The following SHANK1 variants were observed in gnomAD, a reference collection of about 807,000 sequenced individuals.
SHANK1 encodes SH3 and multiple ankyrin repeat domains 1.
A neutral mutation model predicts 165.6 loss-of-function variants in SHANK1; 35 were observed. The observed-to-expected ratio is 0.21, with a 90% CI of 0.16 to 0.28. The LOEUF (loss-of-function observed/expected upper bound fraction) is 0.28, where lower values mean the gene tolerates loss of function less well. SHANK1 is among the 10% of genes least tolerant of loss of function. SHANK1 has a pLI of 1.00. For missense variants in SHANK1, 2,681 were observed against 3,036.4 expected, an observed-to-expected ratio of 0.88 and a Z score of 2.75; for synonymous variants, 1,428 against 1,384.8, an observed-to-expected ratio of 1.03 and a Z score of -0.69.
Position 50,686,623 on chromosome 19 carries a change from G to T in SHANK1, c.2458+121C>A. ...GGGCGGGCGGAGGGAGGGGAGGTGG[G>T]ATCGCAGCCTCTCTGGGGCAGGAAG... is the stretch of plus-strand genomic sequence containing the variant. On this transcript the variant is annotated intron_variant, in intron 20 of 23. Coordinates refer to ENST00000293441, the MANE Select transcript of SHANK1 (RefSeq NM_016148.5). This position sits in a 1 kb window ranked among gnomAD's most constrained non-coding sequence, Gnocchi z 5.7. 1.1e-6 allele frequency: 1 copy of T among 929,740 alleles called. No individual in the cohort carries two copies. Among genetic ancestry groups the T allele is most frequent in the Non-Finnish European group, 1.6e-6 (1 of 610,734 alleles). The allele number at this position is 929,740 out of a possible 1,614,324, so 57.6% of individuals were successfully genotyped here.
At chr19:50,676,699 T>G (rs1182861507) in intron 21 of SHANK1, among the ~76,000 whole-genome samples, 1 of 152,170 alleles carries the variant, frequency 6.6e-6, no homozygotes, top group African/African-American at 2.4e-5. Context: ...ACTGTCTGTC[T>G]CCCTAGGCAT....
intron 21 of SHANK1, among the ~76,000 whole-genome samples, chr19:50,679,601 G>A (rs561202479): frequency 8.2e-4 from 125 of 152,282 alleles, no homozygotes; most frequent in African/African-American, 2.6e-3. Context: ...CCTTCAGTCC[G>A]CCGCCCAAAG....
At chr19:50,710,337 G>A (rs2088993173) in intron 8 of SHANK1, among the ~76,000 whole-genome samples, 1 of 152,222 alleles carries the variant, frequency 6.6e-6, no homozygotes, top group Admixed American at 6.5e-5. Flanking sequence ...TTCTGCCGAG[G>A]CAGAGGGGGC....
chr19:50,688,716 TG>T lies in SHANK1; in HGVS notation c.2172+127del. The stretch of plus-strand genomic sequence containing the variant: ...GGGAAAGCAGAGGCTGGCTGGGGGG[TG>T]GGCAGGGGGCTGGGAATCCTGGTGC... On this transcript the variant is annotated intron_variant, in intron 17 of 23. Transcript: ENST00000293441. The surrounding 1 kb of genome is among the most constrained non-coding windows in gnomAD (Gnocchi z 6.7). 6.2e-6 allele frequency: 5 copies of T among 811,798 alleles called. No individual in the cohort carries two copies. The highest frequency in any genetic ancestry group is 9.6e-6 in the Non-Finnish European group (5 of 521,396). The allele number at this position is 811,798 out of a possible 1,614,324, so 50.3% of individuals were successfully genotyped here.
Position 50,668,153 on chromosome 19 carries a change from G to A in SHANK1, c.3807C>T (p.Asp1269=). The A allele has an allele frequency of 1.1e-5, 16 of 1,458,524 alleles. No homozygotes were observed. Among genetic ancestry groups the A allele is most frequent in the Non-Finnish European group, 1.4e-5 (16 of 1,113,490 alleles). 90.3% of individuals were successfully genotyped at this position (1,458,524 alleles called of 1,614,324 possible). A position where few individuals can be genotyped will look rare whatever the true frequency, so the allele number is the denominator to read the frequency against. Residue 1269 remains aspartate (D), a synonymous_variant, in exon 23 of 24, where the codon GAC becomes GAT. Coordinates refer to ENST00000293441, the MANE Select transcript of SHANK1 (RefSeq NM_016148.5). ...STDAGDEDGG[D]GGLGTGAAPG... ...GGGCCGCCCCTGTGCCCAGCCCGCCGTCCCCGCCGTCCTCGTCCCCCGCGT... is the reference window on the plus strand; with the variant it reads ...GGGCCGCCCCTGTGCCCAGCCCGCCATCCCCGCCGTCCTCGTCCCCCGCGT...
chr19:50,668,119 G>C lies in SHANK1; in HGVS notation c.3841C>G (p.Arg1281Gly). 1 of 1,475,936 alleles carries C rather than the reference G, an allele frequency of 6.8e-7. No individual in the cohort carries two copies. The highest frequency in any genetic ancestry group is 8.9e-7 in the Non-Finnish European group (1 of 1,119,266). 91.4% of individuals were successfully genotyped at this position (1,475,936 alleles called of 1,614,324 possible). The change falls in exon 23 of 24, where the codon CGG becomes GGG. Residue 1281 changes from arginine to glycine, a missense_variant. Arg to Gly is a moderately radical substitution (Grantham distance 125). Around this residue, in one of 10 missense-constraint regions of SHANK1, gnomAD observed 1,713 missense variants for 1,630.2 expected, o/e 1.05. Transcript: ENST00000293441. ...GLGTGAAPGP[R>G]LRHSKSIDEG... is the part of the protein sequence containing the mutation. ...TCGATGGATTTGGAGTGGCGCAGCC[G>C]CGGGCCCGGGGCCGCCCCTGTGCCC...
rs1487752804 is a variant in SHANK1, at chr19:50,666,411, G to A, written c.5549C>T (p.Pro1850Leu). The change falls in exon 23 of 24, where the codon CCT becomes CTT. Residue 1850 changes from proline to leucine, a missense_variant. Physicochemically the swap from Pro to Leu is moderately conservative, Grantham distance 98. Transcript: ENST00000293441. ...WEEGPGPPPP[P>L]LPGPLAQPQA... ...AGGCTGGGCCAAGGGCCCGGGCAGA[G>A]GTGGTGGCGGTGGGCCCGGGCCCTC... 4 of 1,611,972 alleles carry A rather than the reference G, an allele frequency of 2.5e-6. No individual in the cohort carries two copies. In the African/African-American group the frequency reaches 4.0e-5, roughly 16 times the overall value.
rs1326660347 is a variant in SHANK1, at chr19:50,716,010, T to C, written c.459+265A>G. Among the ~76,000 whole-genome samples, 4 of 152,094 alleles carry C rather than the reference T, an allele frequency of 2.6e-5. No individual in the cohort carries two copies. Among genetic ancestry groups the C allele is most frequent in the African/African-American group, 9.7e-5 (4 of 41,400 alleles). On this transcript the variant is annotated intron_variant, in intron 3 of 23. Transcript: ENST00000293441. This position sits in a 1 kb window ranked among gnomAD's most constrained non-coding sequence, Gnocchi z 8.4. ...GAATGTTCTAGAGTGCCTACTGTAA[T>C]TGGGAATCCTCCCCCAATTTGATGG...
Position 50,661,865 on chromosome 19 carries a change from G to T in SHANK1, c.*100C>A. The stretch of plus-strand genomic sequence containing the variant: ...GAGGGCAGGGCGCAGTTTGAACAGA[G>T]TCCCTGGCCCGGGGAGAGAATGACA... On this transcript the variant is annotated 3_prime_UTR_variant, in exon 24 of 24. Coordinates refer to ENST00000293441, the MANE Select transcript of SHANK1 (RefSeq NM_016148.5). The T allele has an allele frequency of 7.3e-7, 1 of 1,375,232 alleles. No homozygotes were observed. Among genetic ancestry groups the T allele is most frequent in the Non-Finnish European group, 1.0e-6 (1 of 985,128 alleles). The allele number at this position is 1,375,232 out of a possible 1,614,324, so 85.2% of individuals were successfully genotyped here. A position where few individuals can be genotyped will look rare whatever the true frequency, so the allele number is the denominator to read the frequency against.
At position 50,660,637 on chromosome 19, in the gene SHANK1, C is replaced by A. The variant is rs1180005118; in HGVS notation, c.*1328G>T. On this transcript the variant is annotated 3_prime_UTR_variant, in exon 24 of 24. Transcript: ENST00000293441. ...AGAGCTCTCATCCAGGTAGAAAAGACAAGATGCGGTGTGCAGCCATGTCAT... is the reference window on the plus strand; with the variant it reads ...AGAGCTCTCATCCAGGTAGAAAAGAAAAGATGCGGTGTGCAGCCATGTCAT... Among the ~76,000 whole-genome samples, 4 of 144,526 alleles carry A rather than the reference C, an allele frequency of 2.8e-5. No homozygotes were observed. Among genetic ancestry groups the A allele is most frequent in the African/African-American group, 1.1e-4 (4 of 37,792 alleles). The allele number at this position is 144,526 out of a possible 152,430, so 94.8% of individuals were successfully genotyped here. A position where few individuals can be genotyped will look rare whatever the true frequency, so the allele number is the denominator to read the frequency against.
At position 50,716,877 on chromosome 19, in the gene SHANK1, T is replaced by C; in HGVS notation, c.43A>G (p.Ser15Gly). ...PATSEDEERHSASECPEGGSE... is the reference protein window; with the variant it reads ...PATSEDEERHGASECPEGGSE... ...CCCCCCTCGGGACACTCGCTGGCAC[T>C]GTGGCGTTCCTCGTCCTCGCTTGTC... The change falls in exon 2 of 24, where the codon AGT becomes GGT. Residue 15 changes from serine (S) to glycine (G), a missense_variant. Physicochemically the swap from Ser to Gly is moderately conservative, Grantham distance 56 (BLOSUM62 0). Transcript: ENST00000293441. This position sits in a 1 kb window ranked among gnomAD's most constrained non-coding sequence, Gnocchi z 8.4. 1.3e-6 allele frequency: 2 copies of C among 1,488,292 alleles called. No homozygotes were observed. Among genetic ancestry groups the C allele is most frequent in the Non-Finnish European group, 1.8e-6 (2 of 1,118,764 alleles). The allele number at this position is 1,488,292 out of a possible 1,614,324, so 92.2% of individuals were successfully genotyped here. A position where few individuals can be genotyped will look rare whatever the true frequency, so the allele number is the denominator to read the frequency against.
At chr19:50,714,061 C>T in intron 5 of SHANK1, 112 bp from the exon 6 acceptor site, 1 of 1,531,254 alleles carries the variant, frequency 6.5e-7, no homozygotes. Context: ...CCGTGGCCTC[C>T]CCCTTGGACA....
At chr19:50,669,961 A>C (rs4802724) in intron 22 of SHANK1, among the ~76,000 whole-genome samples, 45,680 of 151,676 alleles carry the variant, frequency 0.3, 7,847 homozygotes, top group African/African-American at 0.47. Flanking sequence ...CGGTCTTTGA[A>C]CCTCTTCTCA....
At chr19:50,704,875 GC>G (rs1568442593) in intron 8 of SHANK1, among the ~76,000 whole-genome samples, 1 of 150,624 alleles carries the variant, frequency 6.6e-6, no homozygotes, top group African/African-American at 2.4e-5. Flanking sequence ...ATAGTGAGAC[GC>G]CCCCCGTCTC....
Position 50,687,981 on chromosome 19 carries a change from C to G in SHANK1, c.2250G>C (p.Met750Ile), listed in dbSNP as rs1460475341. Residue 750 changes from methionine to isoleucine, a missense_variant, in exon 18 of 24, where the codon ATG (methionine) becomes ATC (isoleucine). Around this residue, in one of 10 missense-constraint regions of SHANK1, gnomAD observed 147 missense variants for 256.5 expected, o/e 0.57. Coordinates refer to ENST00000293441, the MANE Select transcript of SHANK1 (RefSeq NM_016148.5). ...GCCTGGTGACCATCACCACCTTCAC[C>G]ATCAGCGTGTTGCCCCCTTGGCGGA... is the stretch of plus-strand genomic sequence containing the variant. ...NMIRQGGNTLMVKVVMVTRHP... is the reference protein window; with the variant it reads ...NMIRQGGNTLIVKVVMVTRHP... The G allele has an allele frequency of 6.2e-7, 1 of 1,614,144 alleles. No homozygotes were observed. Among genetic ancestry groups the G allele is most frequent in the Admixed American group, 1.7e-5 (1 of 60,024 alleles).
intron 21 of SHANK1, among the ~76,000 whole-genome samples, chr19:50,684,583 T>C (rs1413737008): frequency 6.6e-6 from 1 of 152,142 alleles, no homozygotes; most frequent in Non-Finnish European, 1.5e-5. Context: ...GGATTGTGGA[T>C]AGACTTCAGG....
rs529268934 is a variant in SHANK1 at position 50,660,189 on chromosome 19, G to T, written c.*1776C>A. 6.7e-5 allele frequency among the ~76,000 whole-genome samples: 9 copies of T among 133,978 alleles called. No individual in the cohort carries two copies. The highest frequency in any genetic ancestry group is 1.8e-4 in the African/African-American group (7 of 39,602). The allele number at this position is 133,978 out of a possible 152,430, so 87.9% of individuals were successfully genotyped here. ...AGGGGAGGGGGCTTTTCAGGGGGAG[G>T]GGTGGCTTAACATTCCCAAGCCCCG... is the stretch of plus-strand genomic sequence containing the variant. On this transcript the variant is annotated 3_prime_UTR_variant, in exon 24 of 24. Coordinates refer to ENST00000293441, the MANE Select transcript of SHANK1 (RefSeq NM_016148.5).
intron 8 of SHANK1, among the ~76,000 whole-genome samples, chr19:50,710,572 C>T (rs1175159773): frequency 1.3e-5 from 2 of 152,214 alleles, no homozygotes; most frequent in Non-Finnish European, 2.9e-5. Flanking sequence ...AGACCCGGCT[C>T]TTGCCAACCA....
rs1986334429 is a variant in SHANK1, at chr19:50,686,341, T to C, written c.2473A>G (p.Ile825Val). 1.3e-6 allele frequency: 2 copies of C among 1,597,112 alleles called. No individual in the cohort carries two copies. Among genetic ancestry groups the C allele is most frequent in the African/African-American group, 2.7e-5 (2 of 73,918 alleles). ...ATGGTCTGTTGAGCTGCGGCCAGGA[T>C]TTCGTCCAGTTTGTCTAGGGGTAGA... The part of the protein sequence containing the change: ...YQMALNKLDE[I>V]LAAAQQTISA... The change falls in exon 21 of 24, where the codon ATC becomes GTC. Residue 825 changes from isoleucine to valine, a missense_variant. This residue lies in a region of SHANK1 where 206 missense variants were observed against 216.0 expected (regional missense o/e 0.95). Coordinates refer to ENST00000293441, the MANE Select transcript of SHANK1 (RefSeq NM_016148.5). This position sits in a 1 kb window ranked among gnomAD's most constrained non-coding sequence, Gnocchi z 5.7.
Sources: gnomAD v4.1 joint callset for allele counts (sites outside exome capture counted in the v4.1 genomes callset) on GRCh38, gnomAD v4.1.1 for gene constraint, gnomAD v4.1.1 regional missense constraint, Gnocchi (gnomAD v3.1) non-coding constraint, MANE v1.5 for transcripts, NCBI Gene and HGNC (gene_info 2026-07-23, HGNC 2026-07-21) for gene names.